The following TNPO3 variants were observed in gnomAD, a reference collection of about 807,000 sequenced individuals.
The protein encoded by TNPO3 is transportin-3.
A neutral mutation model predicts 122.8 loss-of-function variants in TNPO3; 65 were observed. The observed-to-expected ratio is 0.53, with a 90% CI of 0.43 to 0.65. The LOEUF (loss-of-function observed/expected upper bound fraction) is 0.65. TNPO3 is among the 30% of genes least tolerant of loss of function. The pLI, the probability that TNPO3 is intolerant of heterozygous loss-of-function variation, is 0.00. For synonymous variants in TNPO3, 372 were observed against 411.2 expected, an observed-to-expected ratio of 0.90 and a Z score of 1.15; for missense variants, 850 against 1,136.7, an observed-to-expected ratio of 0.75 and a Z score of 3.63.
chr7:128,970,809 T>C (rs1798399815), intron 19 of TNPO3: 1 of 153,736 alleles, frequency 6.5e-6, no homozygotes, highest in Non-Finnish European at 1.4e-5. Context: ...AACCCAGTGT[T>C]CTGGGCTAGA....
intron 17 of TNPO3, 113 bp from the exon 18 acceptor site, chr7:128,975,075 G>A (rs573111645): frequency 2.6e-6 from 2 of 759,540 alleles, no homozygotes; most frequent in African/African-American, 3.5e-5. Context: ...GAAAAGCACA[G>A]CTGGGAAAAG....
chr7:128,957,292 C>T lies in TNPO3; in HGVS notation c.2735G>A (p.Cys912Tyr). The change falls in exon 22 of 23, where the codon TGC (cysteine) becomes TAC (tyrosine). Residue 912 changes from cysteine to tyrosine, a missense_variant. Physicochemically the swap from Cys to Tyr is radical, Grantham distance 194. Transcript: ENST00000265388. Reference protein sequence around the residue: ...VTSAEECKQVCWALRDFTRLF... With the variant: ...VTSAEECKQVYWALRDFTRLF... ...CCTGGTGAAGTCTCGCAAGGCCCAG[C>T]AAACTTGTTTACATTCCTCAGCACT... The T allele has an allele frequency of 6.2e-7, 1 of 1,614,122 alleles. No homozygotes were observed. Among genetic ancestry groups the T allele is most frequent in the Non-Finnish European group, 8.5e-7 (1 of 1,179,986 alleles).
rs760297624 is a variant in TNPO3 at position 128,982,336 on chromosome 7, A to T, written c.1783-12T>A. ...TCTTGAGACAACAGCTGAAGAGACA[A>T]AAGGACATTAACACCCAATTGTCAC... On this transcript the variant is annotated splice_polypyrimidine_tract_variant and intron_variant, in intron 13 of 22. Coordinates refer to ENST00000265388, the MANE Select transcript of TNPO3 (RefSeq NM_012470.4). The T allele has an allele frequency of 1.4e-5, 22 of 1,610,888 alleles. No individual in the cohort carries two copies. The East Asian group carries it at 4.9e-4, about 36-fold the overall frequency.
chr7:128,976,755 T>C (rs1799099662), intron 16 of TNPO3, among the ~76,000 whole-genome samples: 1 of 152,248 alleles, frequency 6.6e-6, no homozygotes, highest in Non-Finnish European at 1.5e-5. Flanking sequence ...GTATTGATCT[T>C]ATTACATAAA....
chr7:128,962,093 C>T (rs759322863), intron 21 of TNPO3, among the ~76,000 whole-genome samples: 6 of 152,074 alleles, frequency 3.9e-5, no homozygotes, highest in East Asian at 1.9e-4. Flanking sequence ...TGGCCAGGCG[C>T]GGTGGCTCAC....
rs76821266 is a variant in TNPO3 at position 128,987,044 on chromosome 7, T to A, written c.1499-124A>T. ...AAAAGAACCCTTTTAAAAAGTGAAA[T>A]GTGTTCAGAACCACAATAAATAAAA... On this transcript the variant is annotated intron_variant, in intron 11 of 22. Transcript: ENST00000265388. 5.0e-5 allele frequency: 48 copies of A among 964,444 alleles called. 1 individual carries two copies. The East Asian group carries it at 1.3e-3, about 26-fold the overall frequency. 59.7% of individuals were successfully genotyped at this position (964,444 alleles called of 1,614,324 possible).
At position 128,992,080 on chromosome 7, in the gene TNPO3, G is replaced by T; in HGVS notation, c.1277C>A (p.Thr426Asn). 1 of 1,596,984 alleles carries T rather than the reference G, an allele frequency of 6.3e-7. No homozygotes were observed. The highest frequency in any genetic ancestry group is 8.6e-7 in the Non-Finnish European group (1 of 1,169,034). Residue 426 changes from threonine (T) to asparagine (N), a missense_variant, in exon 10 of 23, where the codon ACT becomes AAT. Thr to Asn is a moderately conservative substitution (Grantham distance 65, BLOSUM62 0). Transcript: ENST00000265388. ...CCAGGGTGGGTTGCCTTCTTTCAGA[G>T]TAGAATATAACTAGAGAAGAAGAGG... Reference protein sequence around the residue: ...SMECFAQLYSTLKEGNPPWEV... With the variant: ...SMECFAQLYSNLKEGNPPWEV...
intron 1 of TNPO3, among the ~76,000 whole-genome samples, chr7:129,047,138 C>T (rs574349043): frequency 1.3e-5 from 2 of 152,326 alleles, no homozygotes; most frequent in East Asian, 3.9e-4. Flanking sequence ...CATCAAAAAG[C>T]TGCATACACC....
intron 15 of TNPO3, 126 bp from the exon 16 acceptor site, chr7:128,979,249 C>T: frequency 8.7e-7 from 1 of 1,154,350 alleles, no homozygotes; most frequent in South Asian, 1.5e-5. Flanking sequence ...TATAGGAACA[C>T]ACATGGCCAG....
At position 128,996,136 on chromosome 7, in the gene TNPO3, G is replaced by A. The variant is rs149093317; in HGVS notation, c.1158+1253C>T. 1.8e-4 allele frequency among the ~76,000 whole-genome samples: 28 copies of A among 152,318 alleles called. No individual in the cohort carries two copies. The East Asian group carries it at 5.0e-3, about 27-fold the overall frequency. ...AACATTAAAATTAAGAGAACAGCAC[G>A]TGGGATTTAATTGTAAGCAATAAAA... On this transcript the variant is annotated intron_variant, in intron 8 of 22. Transcript: ENST00000265388.
chr7:128,982,477 G>A (rs1006374999), intron 13 of TNPO3, among the ~76,000 whole-genome samples, 153 bp from the exon 14 acceptor site: 2 of 152,124 alleles, frequency 1.3e-5, no homozygotes, highest in Admixed American at 6.5e-5. Flanking sequence ...CTCAAATGGC[G>A]CAAATTTTAA....
intron 22 of TNPO3, 37 bp from the exon 23 acceptor site, chr7:128,955,422 GA>G (rs748873920): frequency 2.3e-6 from 1 of 439,940 alleles, no homozygotes; most frequent in South Asian, 1.6e-5. Flanking sequence ...AACTGCACCA[GA>G]AAATAGAGCA....
At chr7:128,968,996 G>C (rs1320409051) in intron 20 of TNPO3, among the ~76,000 whole-genome samples, 1 of 152,140 alleles carries the variant, frequency 6.6e-6, no homozygotes, top group Non-Finnish European at 1.5e-5. Context: ...AAAGTATTGG[G>C]AAGACAGGCA....
rs201930327 is a variant in TNPO3, at chr7:128,979,080, T to C, written c.1964A>G (p.Asp655Gly). 9.3e-6 allele frequency: 15 copies of C among 1,614,102 alleles called. No homozygotes were observed. Among genetic ancestry groups the C allele is most frequent in the Non-Finnish European group, 1.7e-6 (2 of 1,180,038 alleles). Residue 655 changes from aspartate to glycine, a missense_variant, in exon 16 of 23, where the codon GAT (aspartate) becomes GGT (glycine). Asp to Gly is a moderately conservative substitution (Grantham distance 94, BLOSUM62 -1). Transcript: ENST00000265388. Reference sequence around the variant, plus strand: ...GCAACAACGCTCTACAATCCGATTATCAGCTCGGTGCTTATTTAGAGTCTC... The same window carrying C: ...GCAACAACGCTCTACAATCCGATTACCAGCTCGGTGCTTATTTAGAGTCTC... ...LSETLNKHRA[D>G]NRIVERCCRC...
chr7:129,010,619 A>G (rs966694572), intron 4 of TNPO3, among the ~76,000 whole-genome samples: 3 of 152,224 alleles, frequency 2.0e-5, no homozygotes, highest in African/African-American at 7.2e-5. Context: ...AACTTTAAAA[A>G]TGGAAGGAAC....
chr7:128,980,625 G>C (rs1799532211), intron 14 of TNPO3, among the ~76,000 whole-genome samples: 1 of 151,408 alleles, frequency 6.6e-6, no homozygotes, highest in East Asian at 1.9e-4. Context: ...GGGAGGCAGT[G>C]GTTGCAGTGA....
intron 1 of TNPO3, among the ~76,000 whole-genome samples, chr7:129,037,726 C>T (rs989616250): frequency 7.2e-5 from 11 of 152,156 alleles, no homozygotes; most frequent in Admixed American, 4.6e-4. Context: ...GGCAGCAAAG[C>T]ATGTCACCCT....
Position 128,972,586 on chromosome 7 carries a change from G to C in TNPO3, c.2274-4C>G. The C allele has an allele frequency of 6.2e-7, 1 of 1,612,114 alleles. No homozygotes were observed. The highest frequency in any genetic ancestry group is 8.5e-7 in the Non-Finnish European group (1 of 1,179,206). ...GACAGGGCTACGCTGAATAAACCTG[G>C]TGTGGAAAGTGAGACTAGGTATAAA... is the stretch of plus-strand genomic sequence containing the variant. On this transcript the variant is annotated splice_polypyrimidine_tract_variant and splice_region_variant and intron_variant, in intron 18 of 22. Coordinates refer to ENST00000265388, the MANE Select transcript of TNPO3 (RefSeq NM_012470.4).
chr7:128,967,091 A>C (rs941358660), intron 21 of TNPO3, among the ~76,000 whole-genome samples, 189 bp downstream of exon 21: 7 of 152,238 alleles, frequency 4.6e-5, no homozygotes, highest in Non-Finnish European at 8.8e-5. Context: ...GTTATCACAT[A>C]TGTTAAATAT....
Sources: gnomAD v4.1 joint callset for allele counts (sites outside exome capture counted in the v4.1 genomes callset) on GRCh38, gnomAD v4.1.1 for gene constraint, MANE v1.5 for transcripts, NCBI Gene and HGNC (gene_info 2026-07-23, HGNC 2026-07-21) for gene names.